The following PTN variants were observed in gnomAD, a reference collection of about 807,000 sequenced individuals.
PTN encodes heparin affin regulatory protein.
PTN carries 18 observed loss-of-function variants against 24.1 expected under a neutral mutation model. The observed-to-expected ratio is 0.75, with a 90% CI of 0.52 to 1.11. The LOEUF is 1.11. Ranked by LOEUF, PTN falls within the 50% of genes least tolerant of loss-of-function variation. The pLI, the probability that PTN is intolerant of heterozygous loss-of-function variation, is 0.00. For missense variants in PTN, 163 were observed against 198.8 expected (o/e 0.82, Z 1.08); for synonymous variants, 78 against 68.6 (o/e 1.14, Z -0.67).
chr7:137,302,914 T>C (rs1421549777), intron 1 of PTN, among the ~76,000 whole-genome samples: 3 of 151,912 alleles, frequency 2.0e-5, no homozygotes, highest in Non-Finnish European at 2.9e-5. Flanking sequence ...ATTTAGTTCC[T>C]TCATCAAACA....
At chr7:137,312,187 C>A (rs940440689) in intron 1 of PTN, among the ~76,000 whole-genome samples, 1 of 152,148 alleles carries the variant, frequency 6.6e-6, no homozygotes, top group African/African-American at 2.4e-5. Flanking sequence ...ATTTTGAGTG[C>A]CAATAGCAAA....
chr7:137,249,068 A>C (rs1808776263), intron 4 of PTN, among the ~76,000 whole-genome samples: 1 of 152,138 alleles, frequency 6.6e-6, no homozygotes, highest in Non-Finnish European at 1.5e-5. Flanking sequence ...GTTCAGGTAA[A>C]AGGAAGACTT....
intron 4 of PTN, among the ~76,000 whole-genome samples, chr7:137,239,042 C>G (rs1462386988): frequency 1.3e-5 from 2 of 152,196 alleles, no homozygotes; most frequent in Non-Finnish European, 2.9e-5. Flanking sequence ...ACCCTCTGAG[C>G]ATGGAATGTG....
intron 1 of PTN, among the ~76,000 whole-genome samples, chr7:137,318,423 A>G (rs1810108561): frequency 6.6e-6 from 1 of 152,188 alleles, no homozygotes; most frequent in African/African-American, 2.4e-5. Flanking sequence ...ACCAGGTAGA[A>G]TCCTACAGAT....
chr7:137,336,875 G>A (rs149216019), intron 1 of PTN, among the ~76,000 whole-genome samples: 4 of 152,226 alleles, frequency 2.6e-5, no homozygotes, highest in East Asian at 3.9e-4. Flanking sequence ...CTACTCAGAC[G>A]TCAATCCTGG....
At chr7:137,306,151 T>C (rs1809884985) in intron 1 of PTN, among the ~76,000 whole-genome samples, 1 of 152,120 alleles carries the variant, frequency 6.6e-6, no homozygotes, top group Non-Finnish European at 1.5e-5. Flanking sequence ...ATCCTAAATC[T>C]GCCCTTCCTG....
chr7:137,296,476 G>A (rs10268741), intron 1 of PTN, among the ~76,000 whole-genome samples: 77,548 of 151,812 alleles, frequency 0.51, 21,300 homozygotes, highest in Non-Finnish European at 0.63. Context: ...AGACAATTTG[G>A]TTTTGGAGCT....
chr7:137,249,272 CGTGTGTGT>C (rs60014659), intron 4 of PTN, among the ~76,000 whole-genome samples: 23 of 145,370 alleles, frequency 1.6e-4, no homozygotes, highest in South Asian at 1.3e-3. Flanking sequence ...GGACAGTGCA[CGTGTGTGT>C]GTGTGTGTGT....
At chr7:137,254,295 C>CAA (rs202195331) in intron 2 of PTN, among the ~76,000 whole-genome samples, 2 of 98,782 alleles carry the variant, frequency 2.0e-5, no homozygotes, top group Admixed American at 1.0e-4. Flanking sequence ...GACTCCAACT[C>CAA]AAAAAAAAAA....
At chr7:137,323,910 G>C (rs1279473487) in intron 1 of PTN, among the ~76,000 whole-genome samples, 1 of 152,116 alleles carries the variant, frequency 6.6e-6, no homozygotes, top group South Asian at 2.1e-4. Flanking sequence ...GGAGAGAGAA[G>C]AGAATCCACA....
chr7:137,240,919 T>C (rs1325575658), intron 4 of PTN, among the ~76,000 whole-genome samples: 8 of 152,216 alleles, frequency 5.3e-5, no homozygotes, highest in Admixed American at 5.2e-4. Context: ...TATGTATTAG[T>C]TCATTTTCAC....
At chr7:137,272,388 A>G (rs1031618038) in intron 1 of PTN, among the ~76,000 whole-genome samples, 1 of 152,178 alleles carries the variant, frequency 6.6e-6, no homozygotes, top group Non-Finnish European at 1.5e-5. Flanking sequence ...TTCTTTCCCA[A>G]TCCCCTTTCC....
chr7:137,283,639 C>T (rs1034542865), intron 1 of PTN, among the ~76,000 whole-genome samples: 7 of 152,158 alleles, frequency 4.6e-5, no homozygotes, highest in Non-Finnish European at 5.9e-5. Context: ...TACCCACCCC[C>T]ATCCACTCTG....
Position 137,324,433 on chromosome 7 carries a change from A to AAAATAT in PTN, c.-2+19005_-2+19006insATATTT. On this transcript the variant is annotated intron_variant, in intron 1 of 4. Transcript: ENST00000348225. ...CCCTGTCTCTAAAAAAAAAAAAAAA[A>AAAATAT]ATATATATATATATATATAAATTAA... Among the ~76,000 whole-genome samples the AAAATAT allele has an allele frequency of 1.9e-4, 17 of 88,760 alleles. 1 individual carries two copies. The highest frequency in any genetic ancestry group is 6.0e-4 in the East Asian group (2 of 3,310). The allele number at this position is 88,760 out of a possible 152,430, so 58.2% of individuals were successfully genotyped here. A position where few individuals can be genotyped will look rare whatever the true frequency, so the allele number is the denominator to read the frequency against.
intron 1 of PTN, among the ~76,000 whole-genome samples, chr7:137,313,253 G>C (rs1810013986): frequency 6.6e-6 from 1 of 152,082 alleles, no homozygotes; most frequent in Admixed American, 6.5e-5. Context: ...AAAGGGAAAA[G>C]CAAAAAGCAG....
At chr7:137,302,921 A>C (rs1809829736) in intron 1 of PTN, among the ~76,000 whole-genome samples, 1 of 151,752 alleles carries the variant, frequency 6.6e-6, no homozygotes. Flanking sequence ...TCCTTCATCA[A>C]ACAATAACTA....
intron 4 of PTN, among the ~76,000 whole-genome samples, chr7:137,237,969 G>A (rs1206279455): frequency 1.3e-5 from 2 of 152,146 alleles, no homozygotes; most frequent in Non-Finnish European, 1.5e-5. Context: ...ATATCTGTGG[G>A]CCTTGCCGCC....
At chr7:137,237,910 T>C (rs575249521) in intron 4 of PTN, among the ~76,000 whole-genome samples, 6 of 152,290 alleles carry the variant, frequency 3.9e-5, no homozygotes, top group African/African-American at 1.4e-4. Flanking sequence ...AAAATAATTT[T>C]TGAAAGCCTA....
intron 1 of PTN, among the ~76,000 whole-genome samples, chr7:137,316,327 T>A (rs1810071497): frequency 6.6e-6 from 1 of 152,200 alleles, no homozygotes; most frequent in African/African-American, 2.4e-5. Context: ...CTGTGCAAAC[T>A]TGGAGCAAGG....
Sources: gnomAD v4.1 joint callset for allele counts (sites outside exome capture counted in the v4.1 genomes callset) on GRCh38, gnomAD v4.1.1 for gene constraint, MANE v1.5 for transcripts, NCBI Gene and HGNC (gene_info 2026-07-23, HGNC 2026-07-21) for gene names.